The following PEG3 variants were observed in gnomAD, a reference collection of about 807,000 sequenced individuals.
PEG3 encodes paternally expressed 3, also known as paternally-expressed gene 3 protein.
A neutral mutation model predicts 35.5 loss-of-function variants in PEG3; 23 were observed. That is an observed-to-expected ratio of 0.65 (90% CI 0.47 to 0.92). The LOEUF is 0.92. Among genes scored for constraint, PEG3 ranks in the 40% least tolerant of loss-of-function variants. PEG3 has a pLI of 0.00. For synonymous variants in PEG3, 707 were observed against 697.0 expected, an observed-to-expected ratio of 1.01 and a Z score of -0.23; for missense variants, 1,960 against 1,985.3, an observed-to-expected ratio of 0.99 and a Z score of 0.24.
chr19:56,815,976 C>T lies in PEG3; in HGVS notation c.2466G>A (p.Gly822=), dbSNP rs941254549. ...AINHQRVRAG[G]NTSEGREYSR... ...TGTATTCCCTTCCTTCAGAGGTGTTCCCTCCAGCACGAACTCTCTGATGGT... is the reference window on the plus strand; with the variant it reads ...TGTATTCCCTTCCTTCAGAGGTGTTTCCTCCAGCACGAACTCTCTGATGGT... The change falls in exon 10 of 10, where the codon GGG becomes GGA. Residue 822 remains glycine, a synonymous_variant. Coordinates refer to ENST00000326441, the MANE Select transcript of PEG3 (RefSeq NM_006210.3). The T allele has an allele frequency of 2.5e-6, 4 of 1,583,204 alleles. No individual in the cohort carries two copies. Among genetic ancestry groups the T allele is most frequent in the Admixed American group, 3.6e-5 (2 of 55,768 alleles).
chr19:56,822,298 T>C (rs1481400894), intron 6 of PEG3, among the ~76,000 whole-genome samples: 2 of 152,150 alleles, frequency 1.3e-5, no homozygotes, highest in Non-Finnish European at 2.9e-5. Flanking sequence ...AATACACTGG[T>C]GTGATGATTG....
chr19:56,832,131 A>G lies in PEG3; in HGVS notation c.-163+3887T>C, dbSNP rs180744621. On this transcript the variant is annotated intron_variant, in intron 2 of 9. Coordinates refer to ENST00000326441, the MANE Select transcript of PEG3 (RefSeq NM_006210.3). ...ATAACAAGTCTCTGTTTCTTTTTCC[A>G]TCTCTATTTAAAATGTTATTTTAAC... Among the ~76,000 whole-genome samples, 155 of 152,330 alleles carry G rather than the reference A, an allele frequency of 1.0e-3. 1 individual carries two copies. Among genetic ancestry groups the G allele is most frequent in the African/African-American group, 3.6e-3 (148 of 41,562 alleles).
chr19:56,838,646 C>T (rs567713357), intron 1 of PEG3, among the ~76,000 whole-genome samples: 1 of 152,344 alleles, frequency 6.6e-6, no homozygotes, highest in African/African-American at 2.4e-5. Flanking sequence ...CGGTGATAAC[C>T]CGTCACCCTG....
chr19:56,836,061 T>C lies in PEG3; in HGVS notation c.-206A>G. 2.0e-6 allele frequency: 1 copy of C among 506,654 alleles called. No homozygotes were observed. Among genetic ancestry groups the C allele is most frequent in the South Asian group, 1.5e-5 (1 of 68,756 alleles). 31.4% of individuals were successfully genotyped at this position (506,654 alleles called of 1,614,324 possible). ...CGTTTGGACCTAGTCCCTCTTCCTC[T>C]CGCCAGTCGTCTCCAAGAAGGACGG... On this transcript the variant is annotated 5_prime_UTR_variant, in exon 2 of 10. Transcript: ENST00000326441.
Position 56,812,504 on chromosome 19 carries a change from A to C in PEG3, c.*1171T>G. On this transcript the variant is annotated 3_prime_UTR_variant, in exon 10 of 10. Coordinates refer to ENST00000326441, the MANE Select transcript of PEG3 (RefSeq NM_006210.3). ...AATTAAGTTAGCGATAGAAAGATCT[A>C]AGGATACTAGCTCCTGGGCACCTAG... 1.0e-6 allele frequency: 1 copy of C among 985,554 alleles called. No homozygotes were observed. Among genetic ancestry groups the C allele is most frequent in the Non-Finnish European group, 1.2e-6 (1 of 829,696 alleles). The allele number at this position is 985,554 out of a possible 1,614,324, so 61.1% of individuals were successfully genotyped here. A position where few individuals can be genotyped will look rare whatever the true frequency, so the allele number is the denominator to read the frequency against.
In PEG3 at chr19:56,812,590, C is replaced by G. The variant is rs2059610380; in HGVS notation, c.*1085G>C. On this transcript the variant is annotated 3_prime_UTR_variant, in exon 10 of 10. Coordinates refer to ENST00000326441, the MANE Select transcript of PEG3 (RefSeq NM_006210.3). ...TGCACAGGGGACCCAAGCCATGTTGCTACTTGTCACTTAAGGCAGGAAGCG... is the reference window on the plus strand; with the variant it reads ...TGCACAGGGGACCCAAGCCATGTTGGTACTTGTCACTTAAGGCAGGAAGCG... 1.0e-6 allele frequency: 1 copy of G among 985,594 alleles called. No individual in the cohort carries two copies. The highest frequency in any genetic ancestry group is 6.1e-5 in the Admixed American group (1 of 16,262). 61.1% of individuals were successfully genotyped at this position (985,594 alleles called of 1,614,324 possible).
At chr19:56,821,872 T>C (rs1037807772) in intron 6 of PEG3, 118 bp from the exon 7 acceptor site, 2 of 1,069,382 alleles carry the variant, frequency 1.9e-6, no homozygotes, top group Non-Finnish European at 2.8e-6. Context: ...CAAGTGCCTT[T>C]CTCTTCTCTG....
chr19:56,825,165 C>A (rs909969784), intron 3 of PEG3, among the ~76,000 whole-genome samples: 5 of 152,180 alleles, frequency 3.3e-5, no homozygotes, highest in Admixed American at 2.0e-4. Context: ...GACGTCAGCA[C>A]GTTTATTAGC....
At chr19:56,830,311 G>A (rs1245891000) in intron 2 of PEG3, among the ~76,000 whole-genome samples, 1 of 152,200 alleles carries the variant, frequency 6.6e-6, no homozygotes, top group Non-Finnish European at 1.5e-5. Context: ...CAAGGAGGAT[G>A]TCCCATCAGG....
At position 56,813,836 on chromosome 19, in the gene PEG3, C is replaced by T. The variant is rs755875175; in HGVS notation, c.4606G>A (p.Ala1536Thr). 5 of 1,614,200 alleles carry T rather than the reference C, an allele frequency of 3.1e-6. No homozygotes were observed. Among genetic ancestry groups the T allele is most frequent in the South Asian group, 1.1e-5 (1 of 91,086 alleles). Residue 1536 changes from alanine to threonine, a missense_variant, in exon 10 of 10, where the codon GCA becomes ACA. Around this residue, in one of 5 missense-constraint regions of PEG3, gnomAD observed 416 missense variants for 416.7 expected, o/e 1.00. Transcript: ENST00000326441. ...CCTGAGCACTCCCCAAAGGCATTTG[C>T]AGGCTCAAATATGATCATGCTGGCA... ...THASMIIFEP[A>T]NAFGECSGYI...
At chr19:56,832,394 C>T (rs1469687398) in intron 2 of PEG3, among the ~76,000 whole-genome samples, 1 of 152,106 alleles carries the variant, frequency 6.6e-6, no homozygotes, top group Non-Finnish European at 1.5e-5. Context: ...GGGGCTAACA[C>T]GCATCAAGCT....
Position 56,815,043 on chromosome 19 carries a change from G to A in PEG3, c.3399C>T (p.Cys1133=). 1.2e-6 allele frequency: 2 copies of A among 1,614,136 alleles called. No homozygotes were observed. The highest frequency in any genetic ancestry group is 8.5e-7 in the Non-Finnish European group (1 of 1,180,016). ...GTGTGTACTCCCGACTGTCAACCAGGCACTTCCTGCTGTGGACTTTCTGAT... is the reference window on the plus strand; with the variant it reads ...GTGTGTACTCCCGACTGTCAACCAGACACTTCCTGCTGTGGACTTTCTGAT... ...TDHQKVHSRK[C]LVDSREYTHS... is the part of the protein sequence containing the mutation. Residue 1133 remains cysteine (C), a synonymous_variant, in exon 10 of 10, where the codon TGC becomes TGT. Coordinates refer to ENST00000326441, the MANE Select transcript of PEG3 (RefSeq NM_006210.3).
Position 56,816,551 on chromosome 19 carries a change from C to T in PEG3, c.1891G>A (p.Val631Met), listed in dbSNP as rs1156513108. 3 of 1,614,084 alleles carry T rather than the reference C, an allele frequency of 1.9e-6. No homozygotes were observed. Among genetic ancestry groups the T allele is most frequent in the Non-Finnish European group, 2.5e-6 (3 of 1,179,966 alleles). The change falls in exon 10 of 10, where the codon GTG becomes ATG. Residue 631 changes from valine (V) to methionine (M), a missense_variant. By Grantham distance (21) the Val-to-Met change is conservative (BLOSUM62 1). Coordinates refer to ENST00000326441, the MANE Select transcript of PEG3 (RefSeq NM_006210.3). The stretch of plus-strand genomic sequence containing the variant: ...CTATGAAGGAAAGTCTCCCCACACA[C>T]CTTACATTCGTACATTTTCTCTTTA... ...YGKEKMYECK[V>M]CGETFLHSSS...
chr19:56,836,590 G>A (rs888114225), intron 1 of PEG3, among the ~76,000 whole-genome samples: 1 of 152,184 alleles, frequency 6.6e-6, no homozygotes, highest in Non-Finnish European at 1.5e-5. Flanking sequence ...GAGGTCCCTG[G>A]GGGAAGGACC....
intron 2 of PEG3, among the ~76,000 whole-genome samples, chr19:56,831,223 A>G (rs999133341): frequency 2.6e-5 from 4 of 152,256 alleles, no homozygotes; most frequent in Non-Finnish European, 5.9e-5. Context: ...GCACTAGGAC[A>G]AATATACCAC....
chr19:56,834,925 C>T lies in PEG3; in HGVS notation c.-163+1093G>A, dbSNP rs554635357. On this transcript the variant is annotated intron_variant, in intron 2 of 9. Transcript: ENST00000326441. ...GCATGATCCTGTCCTGGATCAGGCC[C>T]AGTATCAATGCTTGCTAACAAATGA... Among the ~76,000 whole-genome samples the T allele has an allele frequency of 4.6e-5, 7 of 152,302 alleles. No homozygotes were observed. In the South Asian group the frequency reaches 1.5e-3, roughly 32 times the overall value.
chr19:56,820,236 AC>A (rs1373997604), intron 7 of PEG3, among the ~76,000 whole-genome samples: 1 of 152,232 alleles, frequency 6.6e-6, no homozygotes, highest in African/African-American at 2.4e-5. Context: ...ATACATGTGA[AC>A]AATTAAGAAA....
chr19:56,832,668 G>C lies in PEG3; in HGVS notation c.-163+3350C>G, dbSNP rs181199840. Among the ~76,000 whole-genome samples, 3 of 152,328 alleles carry C rather than the reference G, an allele frequency of 2.0e-5. No individual in the cohort carries two copies. In the East Asian group the frequency reaches 5.8e-4, roughly 29 times the overall value. On this transcript the variant is annotated intron_variant, in intron 2 of 9. Coordinates refer to ENST00000326441, the MANE Select transcript of PEG3 (RefSeq NM_006210.3). Reference sequence around the variant, plus strand: ...CAAAGAAAGGTCACCAACTTCAAGGGGAGGGAGGAGAGGCGCCAAGTGATG... The same window carrying C: ...CAAAGAAAGGTCACCAACTTCAAGGCGAGGGAGGAGAGGCGCCAAGTGATG...
rs758869736 is a variant in PEG3 at position 56,817,780 on chromosome 19, T to C, written c.828A>G (p.Arg276=). 1.2e-6 allele frequency: 2 copies of C among 1,614,016 alleles called. No individual in the cohort carries two copies. Among genetic ancestry groups the C allele is most frequent in the African/African-American group, 1.3e-5 (1 of 74,910 alleles). ...TGCTTGGGTAGGCACTTCTCTTGGA[T>C]CTTGATGAGTGGCCCTGCGTCATGT... ...HSHMTQGHSS[R]SKRSAYPSTS... The change falls in exon 9 of 10, where the codon AGA becomes AGG. Residue 276 remains arginine, a synonymous_variant. Coordinates refer to ENST00000326441, the MANE Select transcript of PEG3 (RefSeq NM_006210.3).
Sources: allele counts gnomAD v4.1 joint callset (sites outside exome capture counted in the v4.1 genomes callset), GRCh38; gene constraint gnomAD v4.1.1; regional missense constraint gnomAD v4.1.1; transcripts MANE v1.5; gene names NCBI Gene and HGNC (gene_info 2026-07-23, HGNC 2026-07-21).